The following CD74 variants were observed in gnomAD, a reference collection of about 807,000 sequenced individuals.
CD74 encodes HLA class II histocompatibility antigen gamma chain.
CD74 carries 20 observed loss-of-function variants against 37.1 expected under a neutral mutation model. The observed-to-expected ratio is 0.54, with a 90% CI of 0.38 to 0.78. The LOEUF is 0.78. CD74 is among the 30% of genes least tolerant of loss of function. CD74 has a pLI of 0.00. For synonymous variants in CD74, 150 were observed against 152.0 expected, an observed-to-expected ratio of 0.99 and a Z score of 0.10; for missense variants, 338 against 389.5, an observed-to-expected ratio of 0.87 and a Z score of 1.11.
intron 4 of CD74, 173 bp from the exon 5 acceptor site, chr5:150,405,353 G>A: frequency 3.0e-6 from 4 of 1,326,484 alleles, no homozygotes; most frequent in Non-Finnish European, 3.8e-6. Flanking sequence ...GTACGGGTAA[G>A]GGTAGTCCAG....
chr5:150,408,537 G>A (rs979710227), intron 1 of CD74, among the ~76,000 whole-genome samples: 2 of 152,176 alleles, frequency 1.3e-5, no homozygotes, highest in East Asian at 1.9e-4. Flanking sequence ...GCAGGGGGTG[G>A]GCAGGAGTAT....
At chr5:150,409,126 G>A (rs1478160692) in intron 1 of CD74, among the ~76,000 whole-genome samples, 1 of 152,184 alleles carries the variant, frequency 6.6e-6, no homozygotes, top group African/African-American at 2.4e-5. Context: ...GGGAGGCTGA[G>A]GTGGGAGAAT....
Position 150,402,274 on chromosome 5 carries a change from A to G in CD74, c.881-24T>C, listed in dbSNP as rs2151165908. ...GACTGGAGAGAGAAGCAGCAGGTTG[A>G]GGTTGGGGTCACCCATTTGTTGTCC... On this transcript the variant is annotated intron_variant, in intron 8 of 8. Transcript: ENST00000009530. The surrounding 1 kb of genome is among the most constrained non-coding windows in gnomAD (Gnocchi z 4.2). 4 of 1,557,908 alleles carry G rather than the reference A, an allele frequency of 2.6e-6. No homozygotes were observed. The highest frequency in any genetic ancestry group is 3.5e-6 in the Non-Finnish European group (4 of 1,136,906).
rs1414122149 is a variant in CD74, at chr5:150,402,546, C to G, written c.880+17G>C. ...ATGAGCTGCTGGTGACCAGATGCCC[C>G]TCTGCAAGGCCCTTACCTGGGCCCA... On this transcript the variant is annotated intron_variant, in intron 8 of 8. Transcript: ENST00000009530. This position sits in a 1 kb window ranked among gnomAD's most constrained non-coding sequence, Gnocchi z 4.2. 1.2e-6 allele frequency: 2 copies of G among 1,612,150 alleles called. No individual in the cohort carries two copies. Among genetic ancestry groups the G allele is most frequent in the Admixed American group, 3.3e-5 (2 of 60,022 alleles).
rs754371482 is a variant in CD74, at chr5:150,405,222, C to T, written c.442-42G>A. ...CAGGAAGGATGGTTCAAGAAGAGCT[C>T]CCTGGCAGGCAGTGTGAAATGTGTA... On this transcript the variant is annotated intron_variant, in intron 4 of 8. Transcript: ENST00000009530. 2.6e-6 allele frequency: 4 copies of T among 1,546,186 alleles called. No individual in the cohort carries two copies. The East Asian group carries it at 9.2e-5, about 36-fold the overall frequency.
At position 150,401,973 on chromosome 5, in the gene CD74, G is replaced by T; in HGVS notation, c.*267C>A. On this transcript the variant is annotated 3_prime_UTR_variant, in exon 9 of 9. Transcript: ENST00000009530. ...GTGTTGGAGGCTGCTGTGATGTCAG[G>T]AACGGGGATCTGTCTAGCTTTTGGC... is the stretch of plus-strand genomic sequence containing the variant. 1 of 1,296,722 alleles carries T rather than the reference G, an allele frequency of 7.7e-7. No homozygotes were observed. Among genetic ancestry groups the T allele is most frequent in the Non-Finnish European group, 1.1e-6 (1 of 928,452 alleles). The allele number at this position is 1,296,722 out of a possible 1,614,324, so 80.3% of individuals were successfully genotyped here. A position where few individuals can be genotyped will look rare whatever the true frequency, so the allele number is the denominator to read the frequency against.
chr5:150,406,444 A>G, intron 3 of CD74, 123 bp from the exon 4 acceptor site: 2 of 757,430 alleles, frequency 2.6e-6, no homozygotes, highest in South Asian at 1.4e-5. Context: ...CAATGGTTCC[A>G]TCTCTGCCAC....
In CD74 at chr5:150,407,256, G is replaced by A; in HGVS notation, c.194C>T (p.Ala65Val). The part of the protein sequence containing the change: ...ILVTLLLAGQ[A>V]TTAYFLYQQQ... Reference sequence around the variant, plus strand: ...CTGGTACAGGAAGTAGGCGGTGGTGGCCTGGCCAGCGAGGAGCAGAGTCAC... The same window carrying A: ...CTGGTACAGGAAGTAGGCGGTGGTGACCTGGCCAGCGAGGAGCAGAGTCAC... Residue 65 changes from alanine (A) to valine (V), a missense_variant, in exon 2 of 9, where the codon GCC becomes GTC. Ala to Val is a moderately conservative substitution (Grantham distance 64, BLOSUM62 0). Transcript: ENST00000009530. This position sits in a 1 kb window ranked among gnomAD's most constrained non-coding sequence, Gnocchi z 4.4. The A allele has an allele frequency of 6.2e-7, 1 of 1,613,522 alleles. No individual in the cohort carries two copies. Among genetic ancestry groups the A allele is most frequent in the Non-Finnish European group, 8.5e-7 (1 of 1,179,760 alleles).
At chr5:150,405,898 A>G (rs1769930786) in intron 4 of CD74, 1 of 203,238 alleles carries the variant, frequency 4.9e-6, no homozygotes, top group South Asian at 8.8e-5. Flanking sequence ...CCTCAACCTC[A>G]TGAGTAGCTG....
chr5:150,406,789 G>C, intron 3 of CD74, 92 bp downstream of exon 3: 1 of 837,136 alleles, frequency 1.2e-6, no homozygotes, highest in African/African-American at 1.7e-5. Context: ...CCCCTCCCCA[G>C]GTGGGCTCTC....
chr5:150,403,330 A>G lies in CD74; in HGVS notation c.626-18T>C, dbSNP rs777721505. ...GGTCAGTACTGAAGCGACAGGCATG[A>G]TGAGGACACAGTGAGTGAGTGAGCT... is the stretch of plus-strand genomic sequence containing the variant. On this transcript the variant is annotated intron_variant, in intron 6 of 8. Coordinates refer to ENST00000009530, the MANE Select transcript of CD74 (RefSeq NM_001025159.3). This position sits in a 1 kb window ranked among gnomAD's most constrained non-coding sequence, Gnocchi z 4.5. 3.0e-5 allele frequency: 48 copies of G among 1,611,468 alleles called. No individual in the cohort carries two copies. Among genetic ancestry groups the G allele is most frequent in the Non-Finnish European group, 3.9e-5 (46 of 1,177,570 alleles).
At position 150,406,293 on chromosome 5, in the gene CD74, T is replaced by C; in HGVS notation, c.407A>G (p.Asn136Ser). Residue 136 changes from asparagine to serine, a missense_variant, in exon 4 of 9, where the codon AAC becomes AGC. Physicochemically the swap from Asn to Ser is conservative, Grantham distance 46 (BLOSUM62 1). Transcript: ENST00000009530. Reference sequence around the variant, plus strand: ...GTGCATCACATGGTCCTCTGTCATGTTGCCATACTTGGTGGCATTCTGCAT... The same window carrying C: ...GTGCATCACATGGTCCTCTGTCATGCTGCCATACTTGGTGGCATTCTGCAT... ...GPMQNATKYG[N>S]MTEDHVMHLL... 1 of 1,613,938 alleles carries C rather than the reference T, an allele frequency of 6.2e-7. No individual in the cohort carries two copies. The highest frequency in any genetic ancestry group is 8.5e-7 in the Non-Finnish European group (1 of 1,179,898).
intron 1 of CD74, 24 bp downstream of exon 1, chr5:150,412,601 C>A (rs1439271922): frequency 9.7e-6 from 15 of 1,547,868 alleles, no homozygotes; most frequent in Non-Finnish European, 1.2e-5. Flanking sequence ...GATCGGTGTG[C>A]CCTTTCCTGG....
rs1003717394 is a variant in CD74 at position 150,401,720 on chromosome 5, G to A, written c.*520C>T. The A allele has an allele frequency of 3.4e-6, 2 of 579,762 alleles. No individual in the cohort carries two copies. The highest frequency in any genetic ancestry group is 3.7e-5 in the African/African-American group (2 of 53,494). The allele number at this position is 579,762 out of a possible 1,614,324, so 35.9% of individuals were successfully genotyped here. A position where few individuals can be genotyped will look rare whatever the true frequency, so the allele number is the denominator to read the frequency against. On this transcript the variant is annotated 3_prime_UTR_variant, in exon 9 of 9. Transcript: ENST00000009530. ...GCTTGGCTGAGCAGAGGGAACTAGGGGTCGGCAGAAAGGATTATGGGTGGA... is the reference window on the plus strand; with the variant it reads ...GCTTGGCTGAGCAGAGGGAACTAGGAGTCGGCAGAAAGGATTATGGGTGGA...
chr5:150,409,768 TTTTGTTTG>T lies in CD74; in HGVS notation c.126-2452_126-2445del, dbSNP rs113697647. ...TGTGAGAAATAAATTTCTGGGTGTT[TTTTGTTTG>T]TTTGTTTGTTTGTTTGTATATTACG... On this transcript the variant is annotated intron_variant, in intron 1 of 8. Transcript: ENST00000009530. Among the ~76,000 whole-genome samples, 488 of 147,584 alleles carry T rather than the reference TTTTGTTTG, an allele frequency of 3.3e-3. 1 individual carries two copies. Among genetic ancestry groups the T allele is most frequent in the African/African-American group, 0.011 (453 of 39,630 alleles).
intron 1 of CD74, among the ~76,000 whole-genome samples, chr5:150,409,717 AAAAAAC>A (rs1327247288): frequency 2.7e-5 from 4 of 150,660 alleles, no homozygotes; most frequent in African/African-American, 9.7e-5. Flanking sequence ...AAAAAAAAAA[AAAAAAC>A]AAGAAAGCCC....
intron 2 of CD74, 34 bp from the exon 3 acceptor site, chr5:150,406,994 C>T (rs375054104): frequency 1.9e-5 from 30 of 1,558,472 alleles, no homozygotes; most frequent in East Asian, 1.1e-4. Flanking sequence ...AGTGTGGCCC[C>T]GGTGCCCAGG....
intron 1 of CD74, among the ~76,000 whole-genome samples, chr5:150,409,719 AAAACAAG>A (rs1381206928): frequency 2.0e-5 from 3 of 150,176 alleles, no homozygotes; most frequent in African/African-American, 4.9e-5. Flanking sequence ...AAAAAAAAAA[AAAACAAG>A]AAAGCCCCTC....
In CD74 at chr5:150,406,890, C is replaced by A; in HGVS notation, c.369G>T (p.Leu123=). ...CTGGGGCTGTCCTTACCCCCTGGGGCAGGGCTCCCATGGGCAGCGCCTGCA... is the reference window on the plus strand; with the variant it reads ...CTGGGGCTGTCCTTACCCCCTGGGGAAGGGCTCCCATGGGCAGCGCCTGCA... The part of the protein sequence containing the change: ...LLMQALPMGA[L]PQGPMQNATK... The change falls in exon 3 of 9, where the codon CTG becomes CTT. Residue 123 remains leucine, a synonymous_variant. Coordinates refer to ENST00000009530, the MANE Select transcript of CD74 (RefSeq NM_001025159.3). 1 of 1,508,462 alleles carries A rather than the reference C, an allele frequency of 6.6e-7. No homozygotes were observed. The highest frequency in any genetic ancestry group is 1.4e-5 in the South Asian group (1 of 71,976). The allele number at this position is 1,508,462 out of a possible 1,614,324, so 93.4% of individuals were successfully genotyped here.
Sources: allele counts gnomAD v4.1 joint callset (sites outside exome capture counted in the v4.1 genomes callset), GRCh38; gene constraint gnomAD v4.1.1; non-coding constraint Gnocchi (gnomAD v3.1); transcripts MANE v1.5; gene names NCBI Gene and HGNC (gene_info 2026-07-23, HGNC 2026-07-21).